Variants in USP49 observed in about 807,000 individuals in gnomAD.
USP49 encodes ubiquitin specific peptidase 49, also known as ubiquitin carboxyl-terminal hydrolase 49.
Under a neutral mutation model 58.6 loss-of-function variants are expected in USP49, and 24 were observed. The observed-to-expected ratio is 0.41, with a 90% CI of 0.30 to 0.58. The LOEUF (loss-of-function observed/expected upper bound fraction) is 0.58. USP49 is among the 20% of genes least tolerant of loss of function. The pLI is 0.30. For synonymous variants in USP49, 408 were observed against 365.1 expected (o/e 1.12, Z -1.34); for missense variants, 703 against 866.1 (o/e 0.81, Z 2.36).
chr6:41,796,357 T>A lies in USP49; in HGVS notation c.*176A>T, dbSNP rs1772886146. 1 of 533,048 alleles carries A rather than the reference T, an allele frequency of 1.9e-6. No individual in the cohort carries two copies. The highest frequency in any genetic ancestry group is 1.9e-5 in the African/African-American group (1 of 53,258). 33.0% of individuals were successfully genotyped at this position (533,048 alleles called of 1,614,324 possible). The stretch of plus-strand genomic sequence containing the variant: ...GGAAAGGAGGGAACTCCCAAACTCA[T>A]TCAAAAGAAAGAGACTATAAAATTT... On this transcript the variant is annotated 3_prime_UTR_variant, in exon 8 of 8. Transcript: ENST00000682992.
intron 3 of USP49, among the ~76,000 whole-genome samples, chr6:41,818,849 T>C (rs1181214784): frequency 6.6e-6 from 1 of 152,170 alleles, no homozygotes; most frequent in Non-Finnish European, 1.5e-5. Flanking sequence ...TTATACTCTG[T>C]CTTTAGCCAT....
chr6:41,846,500 G>GA (rs765529016), intron 3 of USP49, among the ~76,000 whole-genome samples: 2 of 152,096 alleles, frequency 1.3e-5, no homozygotes, highest in Admixed American at 6.6e-5. Flanking sequence ...CTGAACAAAT[G>GA]AATGAGTGAG....
chr6:41,825,849 T>C (rs774147665), intron 3 of USP49, among the ~76,000 whole-genome samples: 19 of 152,326 alleles, frequency 1.2e-4, no homozygotes, highest in Non-Finnish European at 2.4e-4. Context: ...AAATAAAGAA[T>C]AGCCTGTTTG....
chr6:41,805,592 A>T lies in USP49; in HGVS notation c.1356+36T>A, dbSNP rs372467478. ...ACTCACAGGAAGCCCAAGCTAACAT[A>T]CAAGCCTCTCATTGTCATGGTAGGC... On this transcript the variant is annotated intron_variant, in intron 4 of 7. Transcript: ENST00000682992. 4.4e-6 allele frequency: 7 copies of T among 1,581,472 alleles called. No homozygotes were observed. The African/African-American group carries it at 9.5e-5, about 21-fold the overall frequency.
intron 3 of USP49, among the ~76,000 whole-genome samples, chr6:41,830,897 G>A (rs1254616325): frequency 3.3e-5 from 5 of 152,164 alleles, no homozygotes; most frequent in South Asian, 2.1e-4. Context: ...TTATACACTG[G>A]TGCTACCTGT....
chr6:41,794,573 C>A lies in USP49; in HGVS notation c.*1960G>T, dbSNP rs1163104385. On this transcript the variant is annotated 3_prime_UTR_variant, in exon 8 of 8. Coordinates refer to ENST00000682992, the MANE Select transcript of USP49 (RefSeq NM_001286554.2). ...TTTGAGTTAATGGGCTTTTCTATTG[C>A]CACAAAAAGTCATTACTAATCATGC... The A allele has an allele frequency of 6.6e-6, 1 of 151,922 alleles. No homozygotes were observed. The highest frequency in any genetic ancestry group is 2.4e-5 in the African/African-American group (1 of 41,332). 9.4% of individuals were successfully genotyped at this position (151,922 alleles called of 1,614,324 possible).
intron 3 of USP49, among the ~76,000 whole-genome samples, chr6:41,814,223 G>A (rs1346607608): frequency 2.6e-5 from 4 of 152,150 alleles, no homozygotes. Context: ...CTGCATATGA[G>A]GAAAGTAAAC....
intron 3 of USP49, among the ~76,000 whole-genome samples, chr6:41,857,251 A>G (rs1478202775): frequency 1.3e-5 from 2 of 152,258 alleles, no homozygotes; most frequent in African/African-American, 4.8e-5. Context: ...TAAAACTGGA[A>G]GTAAAGGGAA....
At chr6:41,810,633 A>G (rs1773241161) in intron 3 of USP49, among the ~76,000 whole-genome samples, 1 of 146,322 alleles carries the variant, frequency 6.8e-6, no homozygotes, top group Admixed American at 6.9e-5. Context: ...TGCAACCTCC[A>G]TCTCCCAGGT....
At chr6:41,882,150 C>A (rs1311157798) in intron 2 of USP49, among the ~76,000 whole-genome samples, 4 of 151,804 alleles carry the variant, frequency 2.6e-5, no homozygotes, top group African/African-American at 9.7e-5. Context: ...TGATATGGTA[C>A]AGGATCTCAT....
Position 41,803,551 on chromosome 6 carries a change from G to A in USP49, c.1561+255C>T, listed in dbSNP as rs1773057532. 1.3e-5 allele frequency among the ~76,000 whole-genome samples: 2 copies of A among 152,250 alleles called. No homozygotes were observed. Among genetic ancestry groups the A allele is most frequent in the South Asian group, 4.1e-4 (2 of 4,828 alleles). The stretch of plus-strand genomic sequence containing the variant: ...ACTCCTGACCTCAAGTGATCTGTCC[G>A]CCTTGGCCTCCCAAAATGCTGGGAT... On this transcript the variant is annotated intron_variant, in intron 5 of 7. Transcript: ENST00000682992. The surrounding 1 kb of genome is among the most constrained non-coding windows in gnomAD (Gnocchi z 4.1).
intron 3 of USP49, among the ~76,000 whole-genome samples, chr6:41,867,626 C>T (rs975387413): frequency 6.6e-6 from 1 of 151,178 alleles, no homozygotes; most frequent in Non-Finnish European, 1.5e-5. Flanking sequence ...GTGGCGAGCG[C>T]CTGTAGTCCT....
At chr6:41,858,351 T>C (rs1774165963) in intron 3 of USP49, among the ~76,000 whole-genome samples, 1 of 152,218 alleles carries the variant, frequency 6.6e-6, no homozygotes, top group East Asian at 1.9e-4. Flanking sequence ...ACAGCGTTCA[T>C]GTTATGAGAG....
rs1234646779 is a variant in USP49 at position 41,793,897 on chromosome 6, G to A, written c.*2636C>T. ...AACTACTTGCCCTGGGAGAGAAGCA[G>A]GCCCATTAAGGTTCGGTTAGGAGAC... On this transcript the variant is annotated 3_prime_UTR_variant, in exon 8 of 8. Transcript: ENST00000682992. 6.6e-6 allele frequency: 1 copy of A among 152,190 alleles called. No homozygotes were observed. The highest frequency in any genetic ancestry group is 2.4e-5 in the African/African-American group (1 of 41,456). 9.4% of individuals were successfully genotyped at this position (152,190 alleles called of 1,614,324 possible).
chr6:41,820,407 T>C (rs987691357), intron 3 of USP49, among the ~76,000 whole-genome samples: 1 of 152,168 alleles, frequency 6.6e-6, no homozygotes, highest in Admixed American at 6.5e-5. Context: ...CTAGAGAAAC[T>C]GAACATGGAC....
chr6:41,796,858 G>A, intron 7 of USP49, 135 bp from the exon 8 acceptor site: 1 of 609,354 alleles, frequency 1.6e-6, no homozygotes, highest in Admixed American at 2.8e-5. Context: ...GTGGGGAAGG[G>A]ACAGGTAAAT....
At position 41,793,028 on chromosome 6, in the gene USP49, A is replaced by G. The variant is rs941673148; in HGVS notation, c.*3505T>C. The G allele has an allele frequency of 2.2e-5, 3 of 139,098 alleles. No homozygotes were observed. Among genetic ancestry groups the G allele is most frequent in the East Asian group, 4.9e-4 (2 of 4,088 alleles). 8.6% of individuals were successfully genotyped at this position (139,098 alleles called of 1,614,324 possible). A position where few individuals can be genotyped will look rare whatever the true frequency, so the allele number is the denominator to read the frequency against. On this transcript the variant is annotated 3_prime_UTR_variant, in exon 8 of 8. Coordinates refer to ENST00000682992, the MANE Select transcript of USP49 (RefSeq NM_001286554.2). Reference sequence around the variant, plus strand: ...ACCTCTCTAGGGCTTATGCTGGGGCATGCCCCACTGTCAGCCAATCCACCT... The same window carrying G: ...ACCTCTCTAGGGCTTATGCTGGGGCGTGCCCCACTGTCAGCCAATCCACCT...
Position 41,890,538 on chromosome 6 carries a change from C to A in USP49, c.-103+1256G>T, listed in dbSNP as rs532514046. ...GACAAGCCTGGGCAACATGGTGAAA[C>A]CTTGTCTCTACAAAAAATACAAAAA... On this transcript the variant is annotated intron_variant, in intron 2 of 7. Coordinates refer to ENST00000682992, the MANE Select transcript of USP49 (RefSeq NM_001286554.2). 2.6e-5 allele frequency among the ~76,000 whole-genome samples: 4 copies of A among 152,100 alleles called. No individual in the cohort carries two copies. The East Asian group carries it at 5.8e-4, about 22-fold the overall frequency.
chr6:41,828,712 C>T (rs1178988257), intron 3 of USP49, among the ~76,000 whole-genome samples: 1 of 152,106 alleles, frequency 6.6e-6, no homozygotes, highest in East Asian at 1.9e-4. Context: ...ATAAGATTTA[C>T]AGTTAATACA....
Sources: allele counts gnomAD v4.1 joint callset (sites outside exome capture counted in the v4.1 genomes callset), GRCh38; gene constraint gnomAD v4.1.1; non-coding constraint Gnocchi (gnomAD v3.1); transcripts MANE v1.5; gene names NCBI Gene and HGNC (gene_info 2026-07-23, HGNC 2026-07-21).